Variants in LARP1B observed in about 807,000 individuals in gnomAD.
LARP1B encodes the protein la-related protein 1B.
In LARP1B, 76 loss-of-function variants were observed where a neutral mutation model predicts 114.2. That is an observed-to-expected ratio of 0.67 (90% confidence interval 0.55 to 0.81). The LOEUF is 0.81. LARP1B is among the 30% of genes least tolerant of loss of function. LARP1B has a pLI of 0.00. For synonymous variants in LARP1B, 345 were observed against 348.0 expected (o/e 0.99, Z 0.10); for missense variants, 1,014 against 1,075.8 (o/e 0.94, Z 0.80).
intron 11 of LARP1B, among the ~76,000 whole-genome samples, chr4:128,129,050 A>G (rs1790596298): frequency 6.6e-6 from 1 of 151,692 alleles, no homozygotes; most frequent in Admixed American, 6.6e-5. Context: ...CTGTAGTCCC[A>G]GCTACTCAGG....
At position 128,122,130 on chromosome 4, in the gene LARP1B, A is replaced by G. The variant is rs914213619; in HGVS notation, c.1466A>G (p.Tyr489Cys). 1.5e-5 allele frequency: 25 copies of G among 1,613,974 alleles called. No individual in the cohort carries two copies. In the Admixed American group the frequency reaches 3.7e-4, roughly 24 times the overall value. Residue 489 changes from tyrosine (Y) to cysteine (C), a missense_variant, in exon 11 of 20, where the codon TAC (tyrosine) becomes TGC (cysteine). Physicochemically the swap from Tyr to Cys is radical, Grantham distance 194. Coordinates refer to ENST00000326639, the MANE Select transcript of LARP1B (RefSeq NM_018078.4). Reference sequence around the variant, plus strand: ...GCTAAAGTTATCAATGATGGCTTATACTATTATGAACAGGATCTATGGATG... The same window carrying G: ...GCTAAAGTTATCAATGATGGCTTATGCTATTATGAACAGGATCTATGGATG... ...ELAKVINDGL[Y>C]YYEQDLWMEE... is the part of the protein sequence containing the mutation.
At chr4:128,107,959 GC>G in intron 9 of LARP1B, 1 of 1,532,912 alleles carries the variant, frequency 6.5e-7, no homozygotes, top group Non-Finnish European at 8.7e-7. Flanking sequence ...TCACTGAAAT[GC>G]CTTTATAAAT....
At position 128,176,102 on chromosome 4, in the gene LARP1B, A is replaced by G. The variant is rs1368045104; in HGVS notation, c.1649-770A>G. Among the ~76,000 whole-genome samples, 4 of 145,148 alleles carry G rather than the reference A, an allele frequency of 2.8e-5. No individual in the cohort carries two copies. In the East Asian group the frequency reaches 7.9e-4, roughly 29 times the overall value. ...TCTGTCTCTCTCTCTCGATATATAT[A>G]TATACACACATATATATACACATAT... is the stretch of plus-strand genomic sequence containing the variant. On this transcript the variant is annotated intron_variant, in intron 12 of 19. Transcript: ENST00000326639.
chr4:128,107,828 A>G (rs1178225747), intron 9 of LARP1B: 3 of 1,526,098 alleles, frequency 2.0e-6, no homozygotes, highest in East Asian at 4.9e-5. Flanking sequence ...TTTTTCCTGG[A>G]TCATTTTTAA....
chr4:128,122,511 A>G (rs1413745130), intron 11 of LARP1B: 11 of 1,520,070 alleles, frequency 7.2e-6, no homozygotes, highest in African/African-American at 1.5e-5. Flanking sequence ...CCTTTCTCGT[A>G]TGAAAGAATA....
downstream of LARP1B, among the ~76,000 whole-genome samples, chr4:128,214,071 AC>A (rs1759329998): frequency 6.8e-6 from 1 of 147,676 alleles, no homozygotes; most frequent in African/African-American, 2.5e-5. Context: ...GGTCACTCCC[AC>A]CCGAATATTG....
chr4:128,063,858 C>A (rs1259152070), intron 1 of LARP1B, among the ~76,000 whole-genome samples: 6 of 152,084 alleles, frequency 3.9e-5, no homozygotes, highest in Non-Finnish European at 8.8e-5. Context: ...ATGCAAATGA[C>A]AGCTGTTTAC....
At chr4:128,207,404 T>C in intron 19 of LARP1B, 21 bp downstream of exon 19, 1 of 1,433,012 alleles carries the variant, frequency 7.0e-7, no homozygotes, top group Non-Finnish European at 9.3e-7. Flanking sequence ...AGTCATTTCC[T>C]CTATTCTTTT....
rs766890960 is a variant in LARP1B, at chr4:128,122,157, A to C, written c.1493A>C (p.Glu498Ala). Reference sequence around the variant, plus strand: ...TATTATGAACAGGATCTATGGATGGAAGAAGATGAAAACAAACACACAGCC... The same window carrying C: ...TATTATGAACAGGATCTATGGATGGCAGAAGATGAAAACAAACACACAGCC... ...LYYYEQDLWM[E>A]EDENKHTAIK... Residue 498 changes from glutamate to alanine, a missense_variant, in exon 11 of 20, where the codon GAA becomes GCA. Glu to Ala is a moderately radical substitution (Grantham distance 107). Coordinates refer to ENST00000326639, the MANE Select transcript of LARP1B (RefSeq NM_018078.4). 2.6e-5 allele frequency: 42 copies of C among 1,613,806 alleles called. No homozygotes were observed. Among genetic ancestry groups the C allele is most frequent in the Non-Finnish European group, 3.6e-5 (42 of 1,179,856 alleles).
At chr4:128,155,978 G>A in intron 11 of LARP1B, 4 of 1,539,280 alleles carry the variant, frequency 2.6e-6, no homozygotes, top group Non-Finnish European at 3.5e-6. Flanking sequence ...GCCCCCTGCC[G>A]CCCTGTACCT....
chr4:128,095,680 A>T (rs1468171362), intron 7 of LARP1B, among the ~76,000 whole-genome samples: 2 of 152,062 alleles, frequency 1.3e-5, no homozygotes, highest in Non-Finnish European at 2.9e-5. Flanking sequence ...AGTAAAAGGT[A>T]GCTGAAAACA....
chr4:128,061,527 C>T, intron 1 of LARP1B, 126 bp downstream of exon 1: 1 of 266,008 alleles, frequency 3.8e-6, no homozygotes, highest in Non-Finnish European at 5.8e-6. Flanking sequence ...GGCGTCACGC[C>T]GGGCGCTGCG....
At chr4:128,168,768 G>GT (rs1163722111) in intron 12 of LARP1B, among the ~76,000 whole-genome samples, 1,806 of 143,766 alleles carry the variant, frequency 0.013, 41 homozygotes, top group African/African-American at 0.042. Context: ...GAGGAATATT[G>GT]TTTTTTTTTT....
chr4:128,092,920 C>G (rs1345477722), intron 7 of LARP1B: 1 of 985,272 alleles, frequency 1.0e-6, no homozygotes, highest in Non-Finnish European at 1.2e-6. Flanking sequence ...ACATGCAACT[C>G]CATGTCAGGA....
chr4:128,166,966 CTCTCTATATATATA>C (rs1561470804), intron 12 of LARP1B, among the ~76,000 whole-genome samples: 3 of 87,856 alleles, frequency 3.4e-5, no homozygotes, highest in African/African-American at 9.3e-5. Context: ...CTCTCTCTCT[CTCTCTATATATATA>C]TATATATATA....
At chr4:128,141,134 G>A (rs889918012) in intron 11 of LARP1B, among the ~76,000 whole-genome samples, 6 of 151,954 alleles carry the variant, frequency 3.9e-5, no homozygotes, top group African/African-American at 1.5e-4. Context: ...GCTTTTTTGC[G>A]TCCAGCTATT....
intron 11 of LARP1B, among the ~76,000 whole-genome samples, chr4:128,139,267 A>G (rs749625510): frequency 3.3e-5 from 5 of 152,238 alleles, no homozygotes; most frequent in Non-Finnish European, 5.9e-5. Flanking sequence ...TGTACAACTA[A>G]TATACATATA....
At chr4:128,199,387 A>G in intron 15 of LARP1B, 52 bp from the exon 16 acceptor site, 1 of 1,412,434 alleles carries the variant, frequency 7.1e-7, no homozygotes, top group South Asian at 1.7e-5. Flanking sequence ...TGGTTCATAT[A>G]CTTGGTTCTT....
chr4:128,065,315 TTCTCTCTC>T lies in LARP1B; in HGVS notation c.-78+3924_-78+3931del, dbSNP rs1197451841. 4.0e-3 allele frequency among the ~76,000 whole-genome samples: 320 copies of T among 80,632 alleles called. 4 individuals are homozygous for T. Among genetic ancestry groups the T allele is most frequent in the African/African-American group, 0.013 (298 of 22,224 alleles). The allele number at this position is 80,632 out of a possible 152,430, so 52.9% of individuals were successfully genotyped here. ...TTTCTTTCTTTCTTTCTTTCTTTCT[TTCTCTCTC>T]TCTCTCTCTTTCCTTTCTTTTCTTT... On this transcript the variant is annotated intron_variant, in intron 1 of 19. Transcript: ENST00000326639.
Sources: allele counts gnomAD v4.1 joint callset (sites outside exome capture counted in the v4.1 genomes callset), GRCh38; gene constraint gnomAD v4.1.1; transcripts MANE v1.5; gene names NCBI Gene and HGNC (gene_info 2026-07-23, HGNC 2026-07-21).